APOLD1: variants seen among roughly 807,000 people sequenced by gnomAD.
APOLD1 encodes apolipoprotein L domain-containing protein 1.
Under a neutral mutation model 15.3 loss-of-function variants are expected in APOLD1, and 22 were observed. The ratio of observed to expected loss-of-function variants is 1.44; its 90% confidence interval spans 1.03 to 2.05. The LOEUF is 2.05. APOLD1 is among the 30% of genes most tolerant of loss of function. APOLD1 has a pLI of 0.00. For missense variants in APOLD1, 394 were observed against 353.5 expected, an observed-to-expected ratio of 1.11 and a Z score of -0.92; for synonymous variants, 190 against 167.4, an observed-to-expected ratio of 1.13 and a Z score of -1.04.
chr12:12,738,963 A>G (rs1023113889), intron 1 of APOLD1, among the ~76,000 whole-genome samples: 13 of 152,246 alleles, frequency 8.5e-5, no homozygotes, highest in African/African-American at 1.2e-4. Flanking sequence ...TTAAGCCACT[A>G]TGATTTCTGG....
intron 1 of APOLD1, among the ~76,000 whole-genome samples, chr12:12,763,169 C>T (rs1040388279): frequency 1.3e-5 from 2 of 152,112 alleles, no homozygotes; most frequent in African/African-American, 4.8e-5. Context: ...TGTATATACT[C>T]ATTGTGCACA....
rs1191817494 is a variant in APOLD1 at position 12,761,798 on chromosome 12, TATACATGAACATATAC to T, written c.97-25107_97-25092del. Reference sequence around the variant, plus strand: ...CAAATGGTTTGAATGAACATATATATATACATGAACATATACATATATGTATATGTATAGAGAGAGA... The same window carrying T: ...CAAATGGTTTGAATGAACATATATATATATATGTATATGTATAGAGAGAGA... On this transcript the variant is annotated intron_variant, in intron 1 of 1. Transcript: ENST00000326765. 4.3e-5 allele frequency among the ~76,000 whole-genome samples: 6 copies of T among 141,112 alleles called. 2 individuals carry two copies. Among genetic ancestry groups the T allele is most frequent in the East Asian group, 2.2e-4 (1 of 4,508 alleles). The allele number at this position is 141,112 out of a possible 152,430, so 92.6% of individuals were successfully genotyped here.
At chr12:12,777,065 T>C (rs1947041439) in intron 1 of APOLD1, among the ~76,000 whole-genome samples, 1 of 152,220 alleles carries the variant, frequency 6.6e-6, no homozygotes, top group African/African-American at 2.4e-5. Context: ...TATTTTCTTT[T>C]TAGTTTTATC....
intron 1 of APOLD1, among the ~76,000 whole-genome samples, chr12:12,737,650 C>T (rs1403755481): frequency 1.3e-5 from 2 of 152,144 alleles, no homozygotes; most frequent in Non-Finnish European, 2.9e-5. Flanking sequence ...AATCTACACT[C>T]AAGAGAGAGT....
Position 12,747,182 on chromosome 12 carries a change from G to T in APOLD1, c.96+21086G>T, listed in dbSNP as rs568618758. Among the ~76,000 whole-genome samples, 61 of 152,240 alleles carry T rather than the reference G, an allele frequency of 4.0e-4. No homozygotes were observed. In the South Asian group the frequency reaches 5.4e-3, roughly 13 times the overall value. ...GCTGGAGTGCAGTGGTGCCATTATA[G>T]CTCACTGTAGCTTCGAATTCTTGGA... On this transcript the variant is annotated intron_variant, in intron 1 of 1. Transcript: ENST00000326765.
At chr12:12,777,377 C>T (rs368832068) in intron 1 of APOLD1, among the ~76,000 whole-genome samples, 9 of 152,198 alleles carry the variant, frequency 5.9e-5, no homozygotes, top group East Asian at 5.8e-4. Context: ...AATTACAAAA[C>T]GACTGATGTC....
chr12:12,726,408 T>G, intron 1 of APOLD1: 1 of 442,660 alleles, frequency 2.3e-6, no homozygotes, highest in Non-Finnish European at 4.3e-6. Context: ...GTGTGTACGT[T>G]AAGATTTAGG....
At position 12,746,213 on chromosome 12, in the gene APOLD1, A is replaced by G. The variant is rs140402184; in HGVS notation, c.96+20117A>G. Among the ~76,000 whole-genome samples, 619 of 152,322 alleles carry G rather than the reference A, an allele frequency of 4.1e-3. 5 individuals are homozygous for G. The highest frequency in any genetic ancestry group is 0.014 in the African/African-American group (601 of 41,550). ...AAAGGTTTTACTTAAATCCTGTTCC[A>G]GGCCGGGTGCAGTGGCTCACGCCTG... On this transcript the variant is annotated intron_variant, in intron 1 of 1. Coordinates refer to the APOLD1 transcript ENST00000326765.
intron 1 of APOLD1, among the ~76,000 whole-genome samples, chr12:12,776,003 CAAAA>C (rs34623976): frequency 0.2 from 12,496 of 61,956 alleles, 368 homozygotes; most frequent in South Asian, 0.39. Flanking sequence ...GACCCAGTCT[CAAAA>C]AAAAAAAAAA....
At chr12:12,785,840 T>C (rs1424455838) in intron 1 of APOLD1, 146 bp downstream of exon 1, 9 of 786,868 alleles carry the variant, frequency 1.1e-5, no homozygotes, top group Admixed American at 2.1e-5. Flanking sequence ...GATTCTAGAC[T>C]GGGCTCTGTG....
chr12:12,748,453 A>G (rs75950099), intron 1 of APOLD1, among the ~76,000 whole-genome samples: 2,745 of 152,324 alleles, frequency 0.018, 77 homozygotes, highest in African/African-American at 0.054. Context: ...CTTTCTTAGC[A>G]TGATAAAGTA....
Position 12,774,546 on chromosome 12 carries a change from C to CAAAAAAAAAAA in APOLD1, c.97-12345_97-12335dup, listed in dbSNP as rs57343706. On this transcript the variant is annotated intron_variant, in intron 1 of 1. Coordinates refer to the APOLD1 transcript ENST00000326765. Reference sequence around the variant, plus strand: ...GGGTGACACAGCGAGACTCTAACTCCAAAAAAAAAAAAAAAAAAAAAAAAA... The same window carrying CAAAAAAAAAAA: ...GGGTGACACAGCGAGACTCTAACTCCAAAAAAAAAAAAAAAAAAAAAAAAAAAAAAAAAAAA... Among the ~76,000 whole-genome samples, 28 of 42,288 alleles carry CAAAAAAAAAAA rather than the reference C, an allele frequency of 6.6e-4. 1 individual carries two copies. Among genetic ancestry groups the CAAAAAAAAAAA allele is most frequent in the South Asian group, 1.3e-3 (1 of 788 alleles). 27.7% of individuals were successfully genotyped at this position (42,288 alleles called of 152,430 possible).
chr12:12,753,197 C>T (rs1167160586), intron 1 of APOLD1, among the ~76,000 whole-genome samples: 1 of 152,054 alleles, frequency 6.6e-6, no homozygotes, highest in Non-Finnish European at 1.5e-5. Context: ...GAAAGAGAGA[C>T]AAGAAACTCA....
At chr12:12,784,316 G>A (rs1049354481), upstream of APOLD1, among the ~76,000 whole-genome samples, 3 of 152,126 alleles carry the variant, frequency 2.0e-5, no homozygotes, top group Admixed American at 6.6e-5. Flanking sequence ...CCCAATTCGC[G>A]CTGGCCCACA....
At chr12:12,726,297 A>G (rs1946593017) in intron 1 of APOLD1, 1 of 676,820 alleles carries the variant, frequency 1.5e-6, no homozygotes, top group Admixed American at 2.2e-5. Context: ...TGATTTCCAG[A>G]GCGTTTTTGC....
intron 1 of APOLD1, among the ~76,000 whole-genome samples, chr12:12,738,232 G>A (rs544685924): frequency 1.1e-4 from 14 of 123,834 alleles, no homozygotes; most frequent in African/African-American, 3.9e-4. Flanking sequence ...TAAGACACAT[G>A]GAGTCTTGCT....
intron 1 of APOLD1, among the ~76,000 whole-genome samples, chr12:12,733,777 T>G (rs1464653163): frequency 6.6e-6 from 1 of 152,178 alleles, no homozygotes; most frequent in Non-Finnish European, 1.5e-5. Context: ...TAATTTTTTG[T>G]ATTTTTAGTA....
chr12:12,767,516 A>T (rs988784438), intron 1 of APOLD1, among the ~76,000 whole-genome samples: 1 of 151,810 alleles, frequency 6.6e-6, no homozygotes, highest in African/African-American at 2.4e-5. Context: ...GAAAAATTAG[A>T]TGGGTGTGGG....
At chr12:12,764,684 T>A (rs1396642309) in intron 1 of APOLD1, 1 of 505,838 alleles carries the variant, frequency 2.0e-6, no homozygotes, top group East Asian at 5.8e-5. Flanking sequence ...GGACCCTTCC[T>A]GTAGTGTCTT....
Sources: gnomAD v4.1 joint callset for allele counts (sites outside exome capture counted in the v4.1 genomes callset) on GRCh38, gnomAD v4.1.1 for gene constraint, MANE v1.5 for transcripts, NCBI Gene and HGNC (gene_info 2026-07-23, HGNC 2026-07-21) for gene names.